Variants in TMEM65 observed in about 807,000 individuals in gnomAD.
The protein encoded by TMEM65 is transmembrane protein 65.
A neutral mutation model predicts 25.4 loss-of-function variants in TMEM65; 22 were observed. That is an observed-to-expected ratio of 0.86 (90% confidence interval 0.62 to 1.23). The LOEUF (loss-of-function observed/expected upper bound fraction) is 1.23. Ranked by LOEUF, TMEM65 falls within the 50% of genes most tolerant of loss-of-function variation. The pLI is 0.00. For missense variants in TMEM65, 262 were observed against 308.2 expected (o/e 0.85, Z 1.12); for synonymous variants, 132 against 126.2 (o/e 1.05, Z -0.31).
chr8:124,360,978 T>C (rs550152802), intron 1 of TMEM65, among the ~76,000 whole-genome samples: 56 of 152,368 alleles, frequency 3.7e-4, no homozygotes, highest in Non-Finnish European at 6.6e-4. Context: ...AATTCATTCA[T>C]ATGGCACAGA....
intron 1 of TMEM65, among the ~76,000 whole-genome samples, chr8:124,355,018 G>T (rs7004771): frequency 0.37 from 55,819 of 151,888 alleles, 10,545 homozygotes; most frequent in East Asian, 0.56. Context: ...ACAACATGAA[G>T]AAAAGCAGAA....
rs1415187866 is a variant in TMEM65 at position 124,333,949 on chromosome 8, A to G, written c.305-3157T>C. Among the ~76,000 whole-genome samples, 5 of 152,356 alleles carry G rather than the reference A, an allele frequency of 3.3e-5. No individual in the cohort carries two copies. The East Asian group carries it at 9.6e-4, about 29-fold the overall frequency. On this transcript the variant is annotated intron_variant, in intron 1 of 6. Coordinates refer to ENST00000297632, the MANE Select transcript of TMEM65 (RefSeq NM_194291.3). ...GGAATCCTGGAAAGGATAGAGTCAG[A>G]AAGGAAGAGTCCTAAATTCTGTGCA...
intron 1 of TMEM65, among the ~76,000 whole-genome samples, chr8:124,344,230 A>G (rs1292470636): frequency 6.6e-6 from 1 of 152,194 alleles, no homozygotes; most frequent in African/African-American, 2.4e-5. Context: ...TATCACTGTC[A>G]CTCCATAACC....
At chr8:124,316,319 G>T (rs1280660436) in intron 6 of TMEM65, among the ~76,000 whole-genome samples, 1 of 152,002 alleles carries the variant, frequency 6.6e-6, no homozygotes, top group African/African-American at 2.4e-5. Context: ...AATATTTTTT[G>T]AATTTCAAAC....
intron 3 of TMEM65, among the ~76,000 whole-genome samples, chr8:124,325,993 G>T (rs1316862897): frequency 6.6e-6 from 1 of 151,988 alleles, no homozygotes; most frequent in African/African-American, 2.4e-5. Context: ...CATCTCTCAT[G>T]TATATTTTCC....
intron 3 of TMEM65, among the ~76,000 whole-genome samples, chr8:124,326,752 T>C (rs557873091): frequency 1.3e-5 from 2 of 152,182 alleles, no homozygotes; most frequent in South Asian, 4.1e-4. Context: ...AGGCCTTATA[T>C]AGTAGTAAGA....
chr8:124,354,136 C>G (rs554451383), intron 1 of TMEM65, among the ~76,000 whole-genome samples: 1 of 152,154 alleles, frequency 6.6e-6, no homozygotes, highest in Admixed American at 6.5e-5. Context: ...CTACAAAAAA[C>G]CCAAAGACAT....
chr8:124,349,334 C>T (rs1237318306), intron 1 of TMEM65, among the ~76,000 whole-genome samples: 1 of 129,226 alleles, frequency 7.7e-6, no homozygotes, highest in Non-Finnish European at 1.7e-5. Context: ...CCTTCAGATA[C>T]ATTTTTTTTA....
At chr8:124,368,426 C>T (rs1348746369) in intron 1 of TMEM65, among the ~76,000 whole-genome samples, 1 of 151,914 alleles carries the variant, frequency 6.6e-6, no homozygotes, top group Non-Finnish European at 1.5e-5. Flanking sequence ...CCCGATGATT[C>T]CCACTCCCTT....
At chr8:124,317,049 G>C (rs528264319) in intron 6 of TMEM65, among the ~76,000 whole-genome samples, 6 of 152,256 alleles carry the variant, frequency 3.9e-5, no homozygotes, top group Admixed American at 1.3e-4. Flanking sequence ...ATATTTTAAA[G>C]GGTAGTAATT....
At chr8:124,368,816 C>T (rs1364527709) in intron 1 of TMEM65, among the ~76,000 whole-genome samples, 4 of 152,200 alleles carry the variant, frequency 2.6e-5, no homozygotes, top group Admixed American at 2.6e-4. Flanking sequence ...AAATACTCAA[C>T]TAAGATGCTA....
chr8:124,340,213 T>C (rs1362327640), intron 1 of TMEM65, among the ~76,000 whole-genome samples: 1 of 152,164 alleles, frequency 6.6e-6, no homozygotes, highest in Non-Finnish European at 1.5e-5. Flanking sequence ...AGTGTTGTAT[T>C]ATTGTATGTG....
intron 1 of TMEM65, among the ~76,000 whole-genome samples, chr8:124,348,359 T>C (rs551114325): frequency 2.6e-5 from 4 of 152,124 alleles, no homozygotes; most frequent in Non-Finnish European, 5.9e-5. Flanking sequence ...AACAACTATA[T>C]ATACTTCTAA....
chr8:124,333,618 A>C (rs1437111994), intron 1 of TMEM65, among the ~76,000 whole-genome samples: 1 of 152,180 alleles, frequency 6.6e-6, no homozygotes, highest in Non-Finnish European at 1.5e-5. Flanking sequence ...ATAATGGCTG[A>C]GTAACCTCTT....
At chr8:124,333,084 G>A (rs1210649927) in intron 1 of TMEM65, among the ~76,000 whole-genome samples, 1 of 151,724 alleles carries the variant, frequency 6.6e-6, no homozygotes, top group Non-Finnish European at 1.5e-5. Context: ...TTACAGGCGT[G>A]AGCCACCATG....
chr8:124,355,839 G>A (rs538530295), intron 1 of TMEM65, among the ~76,000 whole-genome samples: 2 of 152,324 alleles, frequency 1.3e-5, no homozygotes, highest in East Asian at 1.9e-4. Context: ...CCATAAGAGG[G>A]TACAGCTAAA....
intron 1 of TMEM65, among the ~76,000 whole-genome samples, chr8:124,358,668 A>T (rs532378469): frequency 6.6e-6 from 1 of 152,188 alleles, no homozygotes; most frequent in Non-Finnish European, 1.5e-5. Flanking sequence ...GTGGCTCTGA[A>T]TCTATTCTGG....
At chr8:124,371,738 G>C in intron 1 of TMEM65, 116 bp downstream of exon 1, 1 of 1,047,572 alleles carries the variant, frequency 9.5e-7, no homozygotes. Flanking sequence ...CGAGGGGGGC[G>C]GAAGGGGGGC....
intron 1 of TMEM65, among the ~76,000 whole-genome samples, chr8:124,341,250 A>G (rs372765831): frequency 6.6e-6 from 1 of 152,086 alleles, no homozygotes; most frequent in Admixed American, 6.5e-5. Flanking sequence ...GGTCATCCCA[A>G]GATGAGAACA....
Sources: gnomAD v4.1 joint callset for allele counts (sites outside exome capture counted in the v4.1 genomes callset) on GRCh38, gnomAD v4.1.1 for gene constraint, MANE v1.5 for transcripts, NCBI Gene and HGNC (gene_info 2026-07-23, HGNC 2026-07-21) for gene names.